The following MAP7 variants were observed in gnomAD, a reference collection of about 807,000 sequenced individuals.
MAP7 encodes ensconsin.
MAP7 carries 52 observed loss-of-function variants against 94.8 expected under a neutral mutation model. That is an observed-to-expected ratio of 0.55 (90% CI 0.44 to 0.69). The LOEUF is 0.69. Ranked by LOEUF, MAP7 falls within the 30% of genes least tolerant of loss-of-function variation. The pLI, the probability that MAP7 is intolerant of heterozygous loss-of-function variation, is 0.00. For missense variants in MAP7, 940 were observed against 964.6 expected, an observed-to-expected ratio of 0.97 and a Z score of 0.34; for synonymous variants, 350 against 357.0, an observed-to-expected ratio of 0.98 and a Z score of 0.22.
chr6:136,399,495 C>T (rs1287904693), intron 3 of MAP7, among the ~76,000 whole-genome samples: 1 of 151,984 alleles, frequency 6.6e-6, no homozygotes, highest in Non-Finnish European at 1.5e-5. Flanking sequence ...AGGCACATGC[C>T]ACCATGTCTG....
intron 1 of MAP7, among the ~76,000 whole-genome samples, chr6:136,502,711 T>G (rs1419287464): frequency 1.3e-5 from 2 of 152,254 alleles, no homozygotes; most frequent in African/African-American, 4.8e-5. Flanking sequence ...TTTTAAATTA[T>G]AAGTACAATA....
intron 1 of MAP7, among the ~76,000 whole-genome samples, chr6:136,485,789 C>G (rs986050952): frequency 6.6e-6 from 1 of 152,020 alleles, no homozygotes; most frequent in Non-Finnish European, 1.5e-5. Flanking sequence ...GTCTCGATCT[C>G]CTGACCTCGT....
chr6:136,449,710 C>T (rs1800513591), intron 1 of MAP7, among the ~76,000 whole-genome samples: 1 of 152,156 alleles, frequency 6.6e-6, no homozygotes, highest in African/African-American at 2.4e-5. Context: ...CAGCTTTAGG[C>T]TAAACTTAAT....
rs77969346 is a variant in MAP7 at position 136,480,383 on chromosome 6, T to C, written c.68-58584A>G. On this transcript the variant is annotated intron_variant, in intron 1 of 17. Transcript: ENST00000354570. ...TTCTTACATCTAACACTTCAAACTA[T>C]GAAACTACTAAAAGAAAATATTGGG... 0.012 allele frequency among the ~76,000 whole-genome samples: 1,891 copies of C among 152,018 alleles called. 85 individuals carry two copies. The East Asian group carries it at 0.14, about 11-fold the overall frequency.
chr6:136,485,581 G>A (rs1358807477), intron 1 of MAP7, among the ~76,000 whole-genome samples: 1 of 13,354 alleles, frequency 7.5e-5, no homozygotes, highest in African/African-American at 4.0e-4. Context: ...TTTTTTTTTT[G>A]AGACGGAGTC....
intron 1 of MAP7, among the ~76,000 whole-genome samples, chr6:136,483,812 A>G (rs1813719248): frequency 6.6e-6 from 1 of 152,254 alleles, no homozygotes; most frequent in Admixed American, 6.5e-5. Context: ...CAGAGGAAAT[A>G]GGAAAATGGA....
intron 13 of MAP7, 48 bp downstream of exon 13, chr6:136,360,649 T>C (rs1792357764): frequency 3.2e-6 from 5 of 1,553,348 alleles, no homozygotes; most frequent in Non-Finnish European, 3.6e-6. Flanking sequence ...CTCTGGGTCT[T>C]AGAGGTGCAA....
intron 8 of MAP7, among the ~76,000 whole-genome samples, chr6:136,369,974 C>T (rs1795199663): frequency 6.6e-6 from 1 of 152,154 alleles, no homozygotes; most frequent in South Asian, 2.1e-4. Flanking sequence ...AGGAAACAAT[C>T]AGTAGAGTAA....
At chr6:136,480,498 T>A (rs1024571802) in intron 1 of MAP7, among the ~76,000 whole-genome samples, 1 of 151,338 alleles carries the variant, frequency 6.6e-6, no homozygotes, top group Non-Finnish European at 1.5e-5. Context: ...AACAATTAGC[T>A]GGGCATGGTG....
At chr6:136,468,711 C>G (rs1210008607) in intron 1 of MAP7, among the ~76,000 whole-genome samples, 1 of 152,164 alleles carries the variant, frequency 6.6e-6, no homozygotes, top group Non-Finnish European at 1.5e-5. Flanking sequence ...TATGGGTACT[C>G]AAAGTGTGTT....
intron 1 of MAP7, among the ~76,000 whole-genome samples, chr6:136,455,261 A>G (rs898339007): frequency 6.6e-6 from 1 of 152,168 alleles, no homozygotes; most frequent in Non-Finnish European, 1.5e-5. Flanking sequence ...TATAATGATA[A>G]AAGAGTCATT....
intron 1 of MAP7, among the ~76,000 whole-genome samples, chr6:136,448,177 G>T (rs538773745): frequency 1.1e-4 from 17 of 152,100 alleles, no homozygotes; most frequent in African/African-American, 4.1e-4. Context: ...GGCCGACACA[G>T]CGAGACTCTG....
chr6:136,394,112 T>C (rs1781608584), intron 3 of MAP7, among the ~76,000 whole-genome samples: 1 of 151,190 alleles, frequency 6.6e-6, no homozygotes, highest in South Asian at 2.1e-4. Flanking sequence ...GCCTCCCGAG[T>C]GGCTGGGACT....
intron 1 of MAP7, among the ~76,000 whole-genome samples, chr6:136,485,409 G>A (rs967764601): frequency 2.6e-5 from 4 of 152,142 alleles, no homozygotes; most frequent in African/African-American, 9.7e-5. Context: ...TGAATACCAT[G>A]TGGCAGTAAA....
intron 1 of MAP7, among the ~76,000 whole-genome samples, chr6:136,427,722 T>C (rs1039215729): frequency 6.6e-6 from 1 of 152,236 alleles, no homozygotes; most frequent in Admixed American, 6.5e-5. Flanking sequence ...AATAATTCAA[T>C]TAAAATCTTC....
At chr6:136,502,838 C>T (rs532084756) in intron 1 of MAP7, among the ~76,000 whole-genome samples, 2 of 151,636 alleles carry the variant, frequency 1.3e-5, no homozygotes, top group Non-Finnish European at 2.9e-5. Flanking sequence ...TTTTTTTTCC[C>T]AGCAAAGTAA....
intron 1 of MAP7, among the ~76,000 whole-genome samples, chr6:136,457,894 A>G (rs1735652644): frequency 6.6e-6 from 1 of 152,198 alleles, no homozygotes; most frequent in African/African-American, 2.4e-5. Context: ...CAAGGCAAGG[A>G]TGCCCACTCT....
rs571866465 is a variant in MAP7 at position 136,345,619 on chromosome 6, G to A, written c.2239+237C>T. ...CAGAGAGGCTGACAGACACCCACTG[G>A]GTGCTGCGGACTGGACTTCTGCACT... On this transcript the variant is annotated intron_variant, in intron 17 of 17. Coordinates refer to ENST00000354570, the MANE Select transcript of MAP7 (RefSeq NM_003980.6). 3.3e-5 allele frequency among the ~76,000 whole-genome samples: 5 copies of A among 152,304 alleles called. No individual in the cohort carries two copies. The South Asian group carries it at 8.3e-4, about 25-fold the overall frequency.
intron 1 of MAP7, among the ~76,000 whole-genome samples, chr6:136,479,088 T>C (rs2128959557): frequency 6.7e-6 from 1 of 150,020 alleles, no homozygotes; most frequent in Middle Eastern, 3.5e-3. Context: ...CAGGCCAAGA[T>C]CCCTGATGAG....
Sources: allele counts gnomAD v4.1 joint callset (sites outside exome capture counted in the v4.1 genomes callset), GRCh38; gene constraint gnomAD v4.1.1; transcripts MANE v1.5; gene names NCBI Gene and HGNC (gene_info 2026-07-23, HGNC 2026-07-21).